The following SLC25A21 variants were observed in gnomAD, a reference collection of about 807,000 sequenced individuals.
The protein encoded by SLC25A21 is mitochondrial 2-oxodicarboxylate carrier.
In SLC25A21, 47 loss-of-function variants were observed where a neutral mutation model predicts 43.8. That is an observed-to-expected ratio of 1.07 (90% CI 0.85 to 1.37). The LOEUF is 1.37. SLC25A21 is among the 40% of genes most tolerant of loss of function. The pLI, the probability that SLC25A21 is intolerant of heterozygous loss-of-function variation, is 0.00. For synonymous variants in SLC25A21, 131 were observed against 121.3 expected (o/e 1.08, Z -0.52); for missense variants, 352 against 350.2 (o/e 1.00, Z -0.04).
chr14:36,928,127 G>A (rs1268923869), intron 1 of SLC25A21, among the ~76,000 whole-genome samples: 2 of 152,166 alleles, frequency 1.3e-5, no homozygotes, highest in Non-Finnish European at 2.9e-5. Context: ...CCTCTCCCGC[G>A]AAGAGGTCCC....
intron 1 of SLC25A21, among the ~76,000 whole-genome samples, chr14:36,928,474 TCTAAACTTAAC>T (rs1892192062): frequency 6.6e-6 from 1 of 152,164 alleles, no homozygotes; most frequent in South Asian, 2.1e-4. Flanking sequence ...GAAGCACTTT[TCTAAACTTAAC>T]CACGGCTAAC....
At chr14:37,147,045 T>C (rs891711748) in intron 1 of SLC25A21, among the ~76,000 whole-genome samples, 2 of 152,170 alleles carry the variant, frequency 1.3e-5, no homozygotes, top group Non-Finnish European at 2.9e-5. Context: ...AACCATCCAT[T>C]TATTCATTGC....
chr14:37,124,703 T>C (rs1482408396), intron 1 of SLC25A21, among the ~76,000 whole-genome samples: 2 of 152,172 alleles, frequency 1.3e-5, no homozygotes, highest in African/African-American at 2.4e-5. Context: ...CCAAATTTCA[T>C]GTAAATTGTA....
At chr14:36,827,419 A>G (rs1407998211) in intron 2 of SLC25A21, among the ~76,000 whole-genome samples, 1 of 152,198 alleles carries the variant, frequency 6.6e-6, no homozygotes, top group African/African-American at 2.4e-5. Flanking sequence ...ACTCATGTGC[A>G]TTAGGTCAAA....
chr14:36,700,553 G>A (rs577890071), intron 7 of SLC25A21, among the ~76,000 whole-genome samples: 2 of 152,292 alleles, frequency 1.3e-5, no homozygotes, highest in East Asian at 3.9e-4. Flanking sequence ...GAAGTATGTA[G>A]AGTACAATGA....
intron 3 of SLC25A21, among the ~76,000 whole-genome samples, chr14:36,808,572 A>G (rs1383684114): frequency 1.3e-5 from 2 of 152,180 alleles, no homozygotes; most frequent in Admixed American, 1.3e-4. Context: ...TCTTCTTTCC[A>G]GCCAATAAAT....
At chr14:36,727,340 T>C (rs58567760) in intron 5 of SLC25A21, among the ~76,000 whole-genome samples, 244 of 152,374 alleles carry the variant, frequency 1.6e-3, no homozygotes, top group Middle Eastern at 6.8e-3. Flanking sequence ...AAATAATGTG[T>C]GAAACCATTT....
chr14:36,960,163 T>TCA (rs1959453608), intron 1 of SLC25A21, among the ~76,000 whole-genome samples: 1 of 152,194 alleles, frequency 6.6e-6, no homozygotes, highest in Admixed American at 6.5e-5. Flanking sequence ...GGTTGTCTAT[T>TCA]CACCTATTTT....
chr14:36,753,763 G>A (rs558840697), intron 3 of SLC25A21, among the ~76,000 whole-genome samples: 6 of 152,186 alleles, frequency 3.9e-5, no homozygotes, highest in East Asian at 3.9e-4. Flanking sequence ...GAAAGGGCCC[G>A]TCACAGCTCT....
chr14:37,154,143 C>T (rs1963806176), intron 1 of SLC25A21, among the ~76,000 whole-genome samples: 1 of 152,088 alleles, frequency 6.6e-6, no homozygotes, highest in African/African-American at 2.4e-5. Flanking sequence ...GGATACTCAA[C>T]CCACCACTGT....
At chr14:36,862,578 G>C (rs1435911998) in intron 2 of SLC25A21, among the ~76,000 whole-genome samples, 7 of 152,092 alleles carry the variant, frequency 4.6e-5, no homozygotes. Flanking sequence ...ATGGACACAG[G>C]GAGGGGAACA....
intron 1 of SLC25A21, among the ~76,000 whole-genome samples, chr14:36,900,397 C>T (rs563838757): frequency 6.6e-6 from 1 of 152,206 alleles, no homozygotes; most frequent in Admixed American, 6.5e-5. Context: ...CTTTAAATCT[C>T]TGCGCAACAT....
At chr14:37,060,626 CAAT>C (rs1164286438) in intron 1 of SLC25A21, among the ~76,000 whole-genome samples, 1 of 149,112 alleles carries the variant, frequency 6.7e-6, no homozygotes, top group Non-Finnish European at 1.5e-5. Context: ...CACACACACA[CAAT>C]GCAAATAAAC....
intron 1 of SLC25A21, among the ~76,000 whole-genome samples, chr14:36,879,505 C>T (rs1217850694): frequency 6.6e-6 from 1 of 152,080 alleles, no homozygotes; most frequent in Non-Finnish European, 1.5e-5. Context: ...TGTTAGTGAG[C>T]ATGACTATAT....
chr14:36,978,174 C>T (rs534123642), intron 1 of SLC25A21, among the ~76,000 whole-genome samples: 106 of 152,214 alleles, frequency 7.0e-4, no homozygotes, highest in Admixed American at 2.0e-3. Flanking sequence ...AGAACTGCTA[C>T]AATAATTCTA....
chr14:37,108,760 CA>C (rs1962965016), intron 1 of SLC25A21, among the ~76,000 whole-genome samples: 1 of 150,894 alleles, frequency 6.6e-6, no homozygotes, highest in South Asian at 2.1e-4. Flanking sequence ...TTGTGTGCCT[CA>C]ATCCCTTTGT....
chr14:36,909,331 G>GA (rs1464410326), intron 1 of SLC25A21, among the ~76,000 whole-genome samples: 2 of 143,740 alleles, frequency 1.4e-5, no homozygotes, highest in Non-Finnish European at 3.0e-5. Flanking sequence ...CTGAAAGTGA[G>GA]AAGATAAGAT....
At chr14:37,162,254 A>C (rs2138950507) in intron 1 of SLC25A21, among the ~76,000 whole-genome samples, 1 of 152,206 alleles carries the variant, frequency 6.6e-6, no homozygotes, top group Non-Finnish European at 1.5e-5. Context: ...GCTGTGCAGA[A>C]GCTCTTTAGT....
At chr14:36,994,810 G>A (rs951208129) in intron 1 of SLC25A21, among the ~76,000 whole-genome samples, 2 of 152,064 alleles carry the variant, frequency 1.3e-5, no homozygotes, top group African/African-American at 4.8e-5. Context: ...AAAAGGAAAC[G>A]TGGCATTAAA....
Sources: gnomAD v4.1 joint callset for allele counts (sites outside exome capture counted in the v4.1 genomes callset) on GRCh38, gnomAD v4.1.1 for gene constraint, MANE v1.5 for transcripts, NCBI Gene and HGNC (gene_info 2026-07-23, HGNC 2026-07-21) for gene names.